Variants in RAP1A observed in about 807,000 individuals in gnomAD.
RAP1A encodes RAP1A, member of RAS oncogene family.
RAP1A carries 6 observed loss-of-function variants against 26.4 expected under a neutral mutation model. The observed-to-expected ratio is 0.23, with a 90% confidence interval of 0.12 to 0.45. The LOEUF is 0.45. Ranked by LOEUF, RAP1A falls within the 20% of genes least tolerant of loss-of-function variation. RAP1A has a pLI of 0.99. For synonymous variants in RAP1A, 73 were observed against 79.4 expected (o/e 0.92, Z 0.43); for missense variants, 121 against 217.2 (o/e 0.56, Z 2.78).
At chr1:111,663,107 T>C (rs979828847) in intron 1 of RAP1A, among the ~76,000 whole-genome samples, 4 of 152,104 alleles carry the variant, frequency 2.6e-5, no homozygotes, top group Non-Finnish European at 4.4e-5. Flanking sequence ...AGAGACAGGG[T>C]TTCACCATGT....
intron 1 of RAP1A, among the ~76,000 whole-genome samples, chr1:111,679,399 C>T (rs1473144424): frequency 1.3e-5 from 2 of 152,168 alleles, no homozygotes; most frequent in African/African-American, 2.4e-5. Context: ...AACCCGCAGA[C>T]CAGGAGATTC....
upstream of RAP1A, among the ~76,000 whole-genome samples, chr1:111,618,649 G>C (rs1265728151): frequency 6.6e-6 from 1 of 152,112 alleles, no homozygotes; most frequent in Non-Finnish European, 1.5e-5. Context: ...CATAACATGT[G>C]TAAGAAAAGA....
chr1:111,648,604 C>G (rs1193764270), intron 1 of RAP1A: 1 of 527,326 alleles, frequency 1.9e-6, no homozygotes, highest in African/African-American at 1.9e-5. Flanking sequence ...AGGGCCTCCA[C>G]CTCCCTCAGT....
chr1:111,640,169 G>T lies in RAP1A; in HGVS notation c.-28+20235G>T, dbSNP rs76208620. ...ACCCTCCACCTTTGCCTACTTCTTT[G>T]TTTTTTGAAGACTGAAGCCATATAA... On this transcript the variant is annotated intron_variant, in intron 1 of 7. Transcript: ENST00000369709. 8.6e-3 allele frequency among the ~76,000 whole-genome samples: 1,311 copies of T among 152,184 alleles called. 18 individuals carry two copies. The highest frequency in any genetic ancestry group is 0.03 in the African/African-American group (1,251 of 41,534).
chr1:111,632,454 G>A (rs1053171956), intron 1 of RAP1A, among the ~76,000 whole-genome samples: 2 of 152,012 alleles, frequency 1.3e-5, no homozygotes, highest in Non-Finnish European at 2.9e-5. Context: ...AGAAAGGAAC[G>A]TAATTATGAT....
chr1:111,641,626 G>A (rs1659893793), intron 1 of RAP1A, among the ~76,000 whole-genome samples: 1 of 151,930 alleles, frequency 6.6e-6, no homozygotes, highest in Non-Finnish European at 1.5e-5. Context: ...AGAAGGAAGG[G>A]GTGTGTGCGT....
intron 1 of RAP1A, among the ~76,000 whole-genome samples, chr1:111,658,646 A>G (rs1377444169): frequency 6.6e-6 from 1 of 152,236 alleles, no homozygotes. Context: ...GGAATTTTTC[A>G]GCTCCATTGT....
intron 1 of RAP1A, among the ~76,000 whole-genome samples, chr1:111,570,746 G>A (rs1658033546): frequency 6.6e-6 from 1 of 152,098 alleles, no homozygotes; most frequent in Non-Finnish European, 1.5e-5. Context: ...AATAGCCTGA[G>A]GGACATCTGG....
chr1:111,646,818 C>T (rs773642525), intron 1 of RAP1A, among the ~76,000 whole-genome samples: 1 of 152,212 alleles, frequency 6.6e-6, no homozygotes, highest in African/African-American at 2.4e-5. Flanking sequence ...GGATTACAGG[C>T]GTGAGCCACC....
At chr1:111,689,878 A>G (rs939335445) in intron 1 of RAP1A, among the ~76,000 whole-genome samples, 5 of 152,120 alleles carry the variant, frequency 3.3e-5, no homozygotes, top group African/African-American at 4.8e-5. Flanking sequence ...GGGTTTCACC[A>G]TGGTAGCCAG....
At position 111,562,634 on chromosome 1, in the gene RAP1A, T is replaced by C. The variant is rs559111933; in HGVS notation, c.-28+20125T>C. 5.3e-5 allele frequency among the ~76,000 whole-genome samples: 8 copies of C among 152,296 alleles called. No individual in the cohort carries two copies. In the East Asian group the frequency reaches 1.5e-3, roughly 29 times the overall value. On this transcript the variant is annotated intron_variant, in intron 1 of 7. Transcript: ENST00000356415. Reference sequence around the variant, plus strand: ...ATTTCAGGACTAAAATTGCCAATATTCCCTCCCTCTACCTAAACCCACTGC... The same window carrying C: ...ATTTCAGGACTAAAATTGCCAATATCCCCTCCCTCTACCTAAACCCACTGC...
chr1:111,634,581 C>T (rs1055185074), intron 1 of RAP1A, among the ~76,000 whole-genome samples: 2 of 149,686 alleles, frequency 1.3e-5, no homozygotes, highest in Non-Finnish European at 3.0e-5. Flanking sequence ...CTTGTTAAGC[C>T]TTTTATGAAC....
At chr1:111,572,460 A>G (rs1041333349) in intron 1 of RAP1A, among the ~76,000 whole-genome samples, 4 of 152,342 alleles carry the variant, frequency 2.6e-5, no homozygotes, top group Middle Eastern at 6.8e-3. Flanking sequence ...CTGAGAATGG[A>G]CAATGCTTGA....
At chr1:111,562,710 T>G (rs2101049427) in intron 1 of RAP1A, among the ~76,000 whole-genome samples, 1 of 152,332 alleles carries the variant, frequency 6.6e-6, no homozygotes, top group Middle Eastern at 3.4e-3. Flanking sequence ...ATAAATTGCC[T>G]CTATATTGCT....
chr1:111,678,685 C>G (rs758766036), intron 1 of RAP1A, among the ~76,000 whole-genome samples: 5 of 151,686 alleles, frequency 3.3e-5, no homozygotes, highest in Non-Finnish European at 7.4e-5. Context: ...TTATTATAAT[C>G]TATAAGACCA....
chr1:111,672,173 T>C (rs1660995577), intron 1 of RAP1A, among the ~76,000 whole-genome samples: 2 of 152,244 alleles, frequency 1.3e-5, no homozygotes, highest in African/African-American at 4.8e-5. Context: ...TGTCATTTAC[T>C]GAGTAAGTTC....
intron 1 of RAP1A, among the ~76,000 whole-genome samples, chr1:111,591,784 T>G (rs766588561): frequency 7.9e-5 from 12 of 152,232 alleles, no homozygotes; most frequent in Non-Finnish European, 1.6e-4. Flanking sequence ...AGACCTTTTT[T>G]GTATTTCCCA....
At chr1:111,699,920 A>G (rs930486648) in intron 4 of RAP1A, among the ~76,000 whole-genome samples, 5 of 151,520 alleles carry the variant, frequency 3.3e-5, no homozygotes, top group African/African-American at 7.3e-5. Flanking sequence ...TATATCCTCA[A>G]CTCCCTTGAC....
chr1:111,591,857 A>G (rs1317317002), intron 1 of RAP1A, among the ~76,000 whole-genome samples: 2 of 152,198 alleles, frequency 1.3e-5, no homozygotes, highest in Non-Finnish European at 2.9e-5. Context: ...CATGCTACAT[A>G]AGAAAGATTT....
Sources: allele counts gnomAD v4.1 joint callset (sites outside exome capture counted in the v4.1 genomes callset), GRCh38; gene constraint gnomAD v4.1.1; transcripts MANE v1.5; gene names NCBI Gene and HGNC (gene_info 2026-07-23, HGNC 2026-07-21).